DRC11: variants seen among roughly 807,000 people sequenced by gnomAD.
DRC11 encodes the protein dynein regulatory complex subunit 11.
At chr2:236,401,531 T>C in the DRC11 span, among the ~76,000 whole-genome samples, 1 of 152,106 alleles carries the variant, frequency 6.6e-6, no homozygotes, top group East Asian at 1.9e-4. This position sits in a 1 kb window ranked among gnomAD's most constrained non-coding sequence, Gnocchi z 4.6. Flanking sequence ...GCTCAATCCA[T>C]GGATAAATGT....
the DRC11 span, chr2:236,368,776 T>C: frequency 6.5e-6 from 1 of 154,550 alleles, no homozygotes; most frequent in Non-Finnish European, 1.4e-5. Context: ...AATGCAGTCA[T>C]TTGAAAGGAA....
the DRC11 span, among the ~76,000 whole-genome samples, chr2:236,458,172 G>A: frequency 8.5e-5 from 13 of 152,208 alleles, no homozygotes; most frequent in Non-Finnish European, 1.8e-4. Flanking sequence ...AGGGCCGAAG[G>A]TTTAAGTAGA....
At chr2:236,484,182 G>C in the DRC11 span, among the ~76,000 whole-genome samples, 2 of 152,146 alleles carry the variant, frequency 1.3e-5, no homozygotes, top group African/African-American at 4.8e-5. Flanking sequence ...AGACAGAAAA[G>C]AATCCCGATT....
chr2:236,412,812 G>C, the DRC11 span: 1 of 152,258 alleles, frequency 6.6e-6, no homozygotes, highest in African/African-American at 2.4e-5. Context: ...TTACTGCATA[G>C]CTCTTGAGTT....
chr2:236,361,061 G>C, the DRC11 span, among the ~76,000 whole-genome samples: 2 of 152,068 alleles, frequency 1.3e-5, no homozygotes, highest in African/African-American at 4.8e-5. The surrounding 1 kb of genome is among the most constrained non-coding windows in gnomAD (Gnocchi z 5.7). Context: ...ATAGAAATAG[G>C]CCCCATGATG....
chr2:236,459,699 A>G, the DRC11 span, among the ~76,000 whole-genome samples: 1 of 148,902 alleles, frequency 6.7e-6, no homozygotes. Flanking sequence ...ATATATACAT[A>G]TATACGTATA....
At chr2:236,360,559 C>A in the DRC11 span, among the ~76,000 whole-genome samples, 1 of 152,158 alleles carries the variant, frequency 6.6e-6, no homozygotes, top group Non-Finnish European at 1.5e-5. This position sits in a 1 kb window ranked among gnomAD's most constrained non-coding sequence, Gnocchi z 5.8. Context: ...CTCTGAAGAA[C>A]TTAGTGCTTA....
the DRC11 span, among the ~76,000 whole-genome samples, chr2:236,323,024 C>T: frequency 1.3e-5 from 2 of 152,180 alleles, no homozygotes; most frequent in South Asian, 4.1e-4. This position sits in a 1 kb window ranked among gnomAD's most constrained non-coding sequence, Gnocchi z 6.4. Flanking sequence ...ATGTTACCTG[C>T]ACAGGTTTTT....
the DRC11 span, among the ~76,000 whole-genome samples, chr2:236,426,444 G>C: frequency 6.6e-6 from 1 of 152,038 alleles, no homozygotes; most frequent in Admixed American, 6.5e-5. This position sits in a 1 kb window ranked among gnomAD's most constrained non-coding sequence, Gnocchi z 4.1. Flanking sequence ...AGAGTTCACT[G>C]TTAGTGTATA....
the DRC11 span, among the ~76,000 whole-genome samples, chr2:236,499,125 G>A: frequency 1.2e-4 from 19 of 152,186 alleles, no homozygotes; most frequent in Admixed American, 2.0e-4. This position sits in a 1 kb window ranked among gnomAD's most constrained non-coding sequence, Gnocchi z 4.7. Context: ...ACTCATTCCC[G>A]TGCTTACCTG....
the DRC11 span, among the ~76,000 whole-genome samples, chr2:236,485,542 A>G: frequency 6.6e-6 from 1 of 152,196 alleles, no homozygotes; most frequent in Non-Finnish European, 1.5e-5. Context: ...TTAAAATTAC[A>G]ATGTCCTTTA....
chr2:236,435,812 T>A, the DRC11 span, among the ~76,000 whole-genome samples: 2 of 152,180 alleles, frequency 1.3e-5, no homozygotes, highest in Non-Finnish European at 2.9e-5. Context: ...CAGCAGAGAA[T>A]GTATGTGCCA....
chr2:236,495,200 G>A, the DRC11 span, among the ~76,000 whole-genome samples: 6 of 152,090 alleles, frequency 3.9e-5, no homozygotes, highest in Admixed American at 6.5e-5. This position sits in a 1 kb window ranked among gnomAD's most constrained non-coding sequence, Gnocchi z 5.6. Flanking sequence ...AAAATTAGCC[G>A]GGTGTGGTGG....
the DRC11 span, among the ~76,000 whole-genome samples, chr2:236,485,086 G>C: frequency 6.6e-6 from 1 of 152,004 alleles, no homozygotes; most frequent in African/African-American, 2.4e-5. Flanking sequence ...CTTCTCCTTT[G>C]GTCAGTTTCA....
At chr2:236,501,548 T>C in the DRC11 span, among the ~76,000 whole-genome samples, 50 of 152,016 alleles carry the variant, frequency 3.3e-4, no homozygotes, top group Non-Finnish European at 5.6e-4. Flanking sequence ...GCAAAGATGA[T>C]TGAGATGATC....
chr2:236,460,169 C>G, the DRC11 span, among the ~76,000 whole-genome samples: 1 of 152,156 alleles, frequency 6.6e-6, no homozygotes, highest in South Asian at 2.1e-4. This position sits in a 1 kb window ranked among gnomAD's most constrained non-coding sequence, Gnocchi z 4.0. Context: ...CACCCTTGAC[C>G]TTCCATTACT....
the DRC11 span, among the ~76,000 whole-genome samples, chr2:236,335,464 T>A: frequency 1.3e-5 from 2 of 152,168 alleles, no homozygotes; most frequent in Non-Finnish European, 2.9e-5. This position sits in a 1 kb window ranked among gnomAD's most constrained non-coding sequence, Gnocchi z 5.6. Context: ...TGCAGCTTTA[T>A]CATTTGCCCA....
the DRC11 span, among the ~76,000 whole-genome samples, chr2:236,453,632 G>A: frequency 6.6e-6 from 1 of 152,028 alleles, no homozygotes; most frequent in Non-Finnish European, 1.5e-5. The surrounding 1 kb of genome is among the most constrained non-coding windows in gnomAD (Gnocchi z 4.9). Context: ...TCCCAGGATA[G>A]CACCAATTTT....
chr2:236,383,969 C>T, the DRC11 span, among the ~76,000 whole-genome samples: 1 of 151,938 alleles, frequency 6.6e-6, no homozygotes, highest in Non-Finnish European at 1.5e-5. Context: ...CCAATTTCAT[C>T]CATGTCCCTA....
Sources: allele counts gnomAD v4.1 joint callset (sites outside exome capture counted in the v4.1 genomes callset), GRCh38; gene constraint gnomAD v4.1.1; non-coding constraint Gnocchi (gnomAD v3.1); transcripts MANE v1.5; gene names NCBI Gene and HGNC (gene_info 2026-07-23, HGNC 2026-07-21).